ZNRF3: variants seen among roughly 807,000 people sequenced by gnomAD.
ZNRF3 encodes the protein zinc and ring finger 3.
ZNRF3 carries 23 observed loss-of-function variants against 72.5 expected under a neutral mutation model. That is an observed-to-expected ratio of 0.32 (90% CI 0.23 to 0.45). ZNRF3 has a LOEUF of 0.45. ZNRF3 is among the 20% of genes least tolerant of loss of function. The pLI, the probability that ZNRF3 is intolerant of heterozygous loss-of-function variation, is 1.00. For missense variants in ZNRF3, 1,169 were observed against 1,272.1 expected (o/e 0.92, Z 1.23); for synonymous variants, 610 against 545.3 (o/e 1.12, Z -1.65).
At chr22:28,889,619 T>C (rs2033850292) in intron 1 of ZNRF3, among the ~76,000 whole-genome samples, 2 of 152,236 alleles carry the variant, frequency 1.3e-5, no homozygotes. Flanking sequence ...TCTTACCAAA[T>C]GGGTTTCTCC....
intron 2 of ZNRF3, among the ~76,000 whole-genome samples, chr22:28,993,122 G>A (rs954803748): frequency 2.0e-5 from 3 of 152,234 alleles, no homozygotes; most frequent in Non-Finnish European, 4.4e-5. Context: ...AAGAGCAGGT[G>A]TTGTAGAATC....
rs1235746676 is a variant in ZNRF3 at position 28,937,205 on chromosome 22, ATATATATATATTTTTTT to A, written c.301-49869_301-49853del. On this transcript the variant is annotated intron_variant, in intron 1 of 8. Transcript: ENST00000544604. ...TATATATATATATATATATATATAT[ATATATATATATTTTTTT>A]TTTTTTTTTTTTTTTTAACAAAAGG... Among the ~76,000 whole-genome samples, 72 of 3,996 alleles carry A rather than the reference ATATATATATATTTTTTT, an allele frequency of 0.018. No homozygotes were observed. The East Asian group carries it at 0.31, about 17-fold the overall frequency. The allele number at this position is 3,996 out of a possible 152,430, so 2.6% of individuals were successfully genotyped here.
chr22:28,968,596 C>A (rs1048997121), intron 1 of ZNRF3, among the ~76,000 whole-genome samples: 3 of 152,088 alleles, frequency 2.0e-5, no homozygotes, highest in Admixed American at 2.0e-4. Flanking sequence ...GTAATCCCAG[C>A]GACTTGGGAG....
At chr22:28,929,146 T>C (rs2034660661) in intron 1 of ZNRF3, among the ~76,000 whole-genome samples, 1 of 152,118 alleles carries the variant, frequency 6.6e-6, no homozygotes, top group African/African-American at 2.4e-5. Flanking sequence ...AGATTTGGAG[T>C]TTTATTAAGA....
intron 2 of ZNRF3, among the ~76,000 whole-genome samples, chr22:29,001,279 C>G (rs111324215): frequency 0.023 from 3,434 of 151,574 alleles, 127 homozygotes; most frequent in African/African-American, 0.08. Flanking sequence ...CCATGTTAAC[C>G]AGGATGGAGC....
At chr22:28,990,456 G>A (rs968365285) in intron 2 of ZNRF3, among the ~76,000 whole-genome samples, 1 of 152,116 alleles carries the variant, frequency 6.6e-6, no homozygotes, top group South Asian at 2.1e-4. Flanking sequence ...AGGCCGTGCC[G>A]GGCAGATCAC....
At chr22:28,954,570 A>C (rs1039183542) in intron 1 of ZNRF3, among the ~76,000 whole-genome samples, 3 of 152,224 alleles carry the variant, frequency 2.0e-5, no homozygotes, top group Non-Finnish European at 4.4e-5. Flanking sequence ...CAGTTTTTAA[A>C]ACAGGAATAA....
chr22:28,894,495 C>T (rs1048812350), intron 1 of ZNRF3, among the ~76,000 whole-genome samples: 2 of 152,070 alleles, frequency 1.3e-5, no homozygotes, highest in African/African-American at 2.4e-5. Flanking sequence ...GGCAGGAACA[C>T]GGCGTCTGTC....
At chr22:29,038,962 A>G (rs1383582517) in intron 2 of ZNRF3, among the ~76,000 whole-genome samples, 6 of 151,738 alleles carry the variant, frequency 4.0e-5, no homozygotes, top group Admixed American at 2.6e-4. Flanking sequence ...ATATATATAT[A>G]TATAGAGAGA....
Position 29,046,777 on chromosome 22 carries a change from C to T in ZNRF3, c.806C>T (p.Ser269Phe). 6.2e-7 allele frequency: 1 copy of T among 1,612,140 alleles called. No homozygotes were observed. The highest frequency in any genetic ancestry group is 2.2e-5 in the East Asian group (1 of 44,846). ...LEKMETRKFN[S>F]KSKGRREGSC... ...AAGATGGAAACCAGAAAGTTCAACT[C>T]CAAGAGCAAGGGGCGCCGGGAGGGG... The change falls in exon 6 of 9, where the codon TCC becomes TTC. Residue 269 changes from serine (S) to phenylalanine (F), a missense_variant. Coordinates refer to ENST00000544604, the MANE Select transcript of ZNRF3 (RefSeq NM_001206998.2).
intron 6 of ZNRF3, among the ~76,000 whole-genome samples, chr22:29,047,207 T>C (rs1302354450): frequency 6.6e-6 from 1 of 152,156 alleles, no homozygotes; most frequent in Non-Finnish European, 1.5e-5. Flanking sequence ...CAGTGAGCTA[T>C]TATTACACCG....
At chr22:28,956,451 A>G (rs1278943947) in intron 1 of ZNRF3, among the ~76,000 whole-genome samples, 1 of 143,966 alleles carries the variant, frequency 6.9e-6, no homozygotes, top group Non-Finnish European at 1.5e-5. Flanking sequence ...TCTCTTGTCC[A>G]GGGCTGGTGT....
intron 1 of ZNRF3, among the ~76,000 whole-genome samples, chr22:28,968,642 G>C (rs1340548236): frequency 6.6e-6 from 1 of 152,210 alleles, no homozygotes; most frequent in Non-Finnish European, 1.5e-5. Flanking sequence ...CCGGGAGGCG[G>C]AGGTTGCCGT....
chr22:28,959,896 T>C (rs2035326102), intron 1 of ZNRF3, among the ~76,000 whole-genome samples: 1 of 152,212 alleles, frequency 6.6e-6, no homozygotes, highest in Non-Finnish European at 1.5e-5. Flanking sequence ...AGAAGAGGCC[T>C]CAGAGTGAAA....
intron 1 of ZNRF3, among the ~76,000 whole-genome samples, chr22:28,892,780 T>G (rs1313135852): frequency 1.3e-5 from 2 of 152,228 alleles, no homozygotes; most frequent in Non-Finnish European, 2.9e-5. Context: ...TAGAGTTTGA[T>G]TCTGTGAAAA....
chr22:29,034,999 CTTT>C (rs10607848), intron 2 of ZNRF3, among the ~76,000 whole-genome samples: 55,259 of 130,638 alleles, frequency 0.42, 11,793 homozygotes, highest in Non-Finnish European at 0.48. Flanking sequence ...TTTGTTAGAC[CTTT>C]TTTTTTTTTT....
At chr22:29,022,386 A>G (rs1229643706) in intron 2 of ZNRF3, among the ~76,000 whole-genome samples, 2 of 152,126 alleles carry the variant, frequency 1.3e-5, no homozygotes, top group Admixed American at 6.5e-5. Flanking sequence ...TCCCAGACAC[A>G]CTTTCTCTAA....
intron 8 of ZNRF3, 150 bp downstream of exon 8, chr22:29,051,098 C>T: frequency 1.1e-6 from 1 of 892,344 alleles, no homozygotes; most frequent in Non-Finnish European, 1.6e-6. Context: ...TACTCCTCAG[C>T]CTGGCCCTCC....
At chr22:29,038,472 A>G (rs1425327441) in intron 2 of ZNRF3, among the ~76,000 whole-genome samples, 1 of 151,892 alleles carries the variant, frequency 6.6e-6, no homozygotes, top group Non-Finnish European at 1.5e-5. Context: ...AGCTGGGACT[A>G]CAGGTGAATG....
Sources: allele counts gnomAD v4.1 joint callset (sites outside exome capture counted in the v4.1 genomes callset), GRCh38; gene constraint gnomAD v4.1.1; transcripts MANE v1.5; gene names NCBI Gene and HGNC (gene_info 2026-07-23, HGNC 2026-07-21).